The following ATP2A1 variants were observed in gnomAD, a reference collection of about 807,000 sequenced individuals.
ATP2A1 encodes the protein ATPase sarcoplasmic/endoplasmic reticulum Ca2+ transporting 1.
In ATP2A1, 83 loss-of-function variants were observed where a neutral mutation model predicts 109.5. The ratio of observed to expected loss-of-function variants is 0.76; its 90% CI spans 0.63 to 0.91. The LOEUF is 0.91. Among genes scored for constraint, ATP2A1 ranks in the 40% least tolerant of loss-of-function variants. The pLI is 0.00. For synonymous variants in ATP2A1, 505 were observed against 537.6 expected (o/e 0.94, Z 0.84); for missense variants, 1,101 against 1,341.0 (o/e 0.82, Z 2.80).
chr16:28,892,946 A>C (rs1417847227), intron 9 of ATP2A1, among the ~76,000 whole-genome samples: 1 of 152,004 alleles, frequency 6.6e-6, no homozygotes, highest in Non-Finnish European at 1.5e-5. Context: ...CTGGAGGCTG[A>C]GGCAGGAGAA....
At position 28,878,577 on chromosome 16, in the gene ATP2A1, G is replaced by T; in HGVS notation, c.-95G>T. ...AGGAGAGTAAAAAGAAGAAACCCAG[G>T]CAGACAGGCAGTTGGACACACTGAG... On this transcript the variant is annotated 5_prime_UTR_variant, in exon 1 of 23. Transcript: ENST00000395503. 1 of 1,045,772 alleles carries T rather than the reference G, an allele frequency of 9.6e-7. No homozygotes were observed. The allele number at this position is 1,045,772 out of a possible 1,614,324, so 64.8% of individuals were successfully genotyped here.
rs754711450 is a variant in ATP2A1 at position 28,894,604 on chromosome 16, C to T, written c.1284C>T (p.Asn428=). Residue 428 remains asparagine (N), a synonymous_variant, in exon 11 of 23, where the codon AAC becomes AAT. Transcript: ENST00000395503. ...GCAATGACTCCTCCTTGGACTTCAA[C>T]GAGGTAACCTCTCCTTCCCCTTCCA... is the stretch of plus-strand genomic sequence containing the variant. ...ALCNDSSLDF[N]EAKGVYEKVG... 5.0e-6 allele frequency: 8 copies of T among 1,613,800 alleles called. No homozygotes were observed. In the Admixed American group the frequency reaches 8.3e-5, roughly 17 times the overall value.
intron 9 of ATP2A1, 61 bp downstream of exon 9, chr16:28,889,014 C>T (rs1963696840): frequency 1.3e-6 from 2 of 1,598,242 alleles, no homozygotes; most frequent in Non-Finnish European, 1.7e-6. Flanking sequence ...TTAAATGGGC[C>T]CTCCAAAGAT....
At chr16:28,884,964 C>T (rs1031553851) in intron 6 of ATP2A1, among the ~76,000 whole-genome samples, 2 of 152,000 alleles carry the variant, frequency 1.3e-5, no homozygotes, top group Non-Finnish European at 2.9e-5. Context: ...AAAGGCTGTG[C>T]GAGGTGGCTC....
chr16:28,900,755 G>A lies in ATP2A1; in HGVS notation c.1939G>A (p.Glu647Lys). The A allele has an allele frequency of 6.2e-7, 1 of 1,614,242 alleles. No individual in the cohort carries two copies. Among genetic ancestry groups the A allele is most frequent in the Non-Finnish European group, 8.5e-7 (1 of 1,180,046 alleles). ...AATTGGCATCTTTGGGGAGAACGAG[G>A]AGGTGGCCGATCGCGCCTACACGGG... ...RRIGIFGENE[E>K]VADRAYTGRE... The change falls in exon 15 of 23, where the codon GAG becomes AAG. Residue 647 changes from glutamate to lysine, a missense_variant. Physicochemically the swap from Glu to Lys is moderately conservative, Grantham distance 56 (BLOSUM62 1). Transcript: ENST00000395503.
chr16:28,902,977 C>T lies in ATP2A1; in HGVS notation c.2745-53C>T, dbSNP rs370933107. The stretch of plus-strand genomic sequence containing the variant: ...CCACTGCCCACATCCTCCACTGTGC[C>T]GCCCACCTCCTTCCTCCTCACTGTG... On this transcript the variant is annotated intron_variant, in intron 19 of 22. Coordinates refer to ENST00000395503, the MANE Select transcript of ATP2A1 (RefSeq NM_004320.6). This position sits in a 1 kb window ranked among gnomAD's most constrained non-coding sequence, Gnocchi z 4.8. 63 of 1,613,518 alleles carry T rather than the reference C, an allele frequency of 3.9e-5. No homozygotes were observed. Among genetic ancestry groups the T allele is most frequent in the African/African-American group, 1.6e-4 (12 of 74,996 alleles).
Position 28,880,615 on chromosome 16 carries a change from G to C in ATP2A1, c.220-300G>C, listed in dbSNP as rs563799639. On this transcript the variant is annotated intron_variant, in intron 3 of 22. Coordinates refer to ENST00000395503, the MANE Select transcript of ATP2A1 (RefSeq NM_004320.6). This position sits in a 1 kb window ranked among gnomAD's most constrained non-coding sequence, Gnocchi z 4.2. ...ATGGATGTGGCTGTGCGGGGGGTTG[G>C]CCTGAGCTTCGCTTCTAAGCCAGCA... 2.0e-5 allele frequency among the ~76,000 whole-genome samples: 3 copies of C among 152,354 alleles called. No individual in the cohort carries two copies. Among genetic ancestry groups the C allele is most frequent in the Admixed American group, 1.3e-4 (2 of 15,308 alleles).
intron 6 of ATP2A1, among the ~76,000 whole-genome samples, chr16:28,885,654 G>A (rs1320580262): frequency 6.6e-6 from 1 of 151,922 alleles, no homozygotes; most frequent in African/African-American, 2.4e-5. Flanking sequence ...CCTGCTTGAC[G>A]TTTCCATTCT....
In ATP2A1 at chr16:28,878,604, A is replaced by C; in HGVS notation, c.-68A>C. ...AGACAGGCAGTTGGACACACTGAGG[A>C]AGACCCCCCACGAGTGGGAACCCCC... On this transcript the variant is annotated 5_prime_UTR_variant, in exon 1 of 23. Coordinates refer to ENST00000395503, the MANE Select transcript of ATP2A1 (RefSeq NM_004320.6). 1 of 1,321,860 alleles carries C rather than the reference A, an allele frequency of 7.6e-7. No individual in the cohort carries two copies. The highest frequency in any genetic ancestry group is 1.1e-6 in the Non-Finnish European group (1 of 937,106). The allele number at this position is 1,321,860 out of a possible 1,614,324, so 81.9% of individuals were successfully genotyped here. A position where few individuals can be genotyped will look rare whatever the true frequency, so the allele number is the denominator to read the frequency against.
chr16:28,891,588 TC>T (rs1963775280), intron 9 of ATP2A1, among the ~76,000 whole-genome samples: 1 of 11,696 alleles, frequency 8.5e-5, no homozygotes. Context: ...AGACTCCGTC[TC>T]AAAAAAAAAA....
chr16:28,900,864 A>G lies in ATP2A1; in HGVS notation c.2048A>G (p.His683Arg). 1 of 1,614,208 alleles carries G rather than the reference A, an allele frequency of 6.2e-7. No homozygotes were observed. The highest frequency in any genetic ancestry group is 8.5e-7 in the Non-Finnish European group (1 of 1,180,040). ...ACCFARVEPS[H>R]KSKIVEYLQS... ...TGCTTCGCCCGTGTGGAGCCCTCGCACAAGTCCAAGATTGTGGAGTACCTG... is the reference window on the plus strand; with the variant it reads ...TGCTTCGCCCGTGTGGAGCCCTCGCGCAAGTCCAAGATTGTGGAGTACCTG... Residue 683 changes from histidine to arginine, a missense_variant, in exon 15 of 23, where the codon CAC becomes CGC. By Grantham distance (29) the His-to-Arg change is conservative. Coordinates refer to ENST00000395503, the MANE Select transcript of ATP2A1 (RefSeq NM_004320.6).
chr16:28,896,208 TTTTG>T (rs367688800), intron 12 of ATP2A1, among the ~76,000 whole-genome samples: 2,738 of 152,112 alleles, frequency 0.018, 59 homozygotes, highest in African/African-American at 0.053. Context: ...CTTTCATTCT[TTTTG>T]TTTGTTTGTT....
intron 3 of ATP2A1, 70 bp downstream of exon 3, chr16:28,879,653 C>A: frequency 6.7e-7 from 1 of 1,501,874 alleles, no homozygotes; most frequent in Non-Finnish European, 9.1e-7. Flanking sequence ...GCGGGGCTCG[C>A]AGTCACTGGA....
chr16:28,887,788 TTTTC>T, intron 8 of ATP2A1, 66 bp downstream of exon 8: 1 of 1,569,026 alleles, frequency 6.4e-7, no homozygotes, highest in East Asian at 2.2e-5. Flanking sequence ...TTTTCTTTTC[TTTTC>T]TTTTCTTTTT....
intron 6 of ATP2A1, 66 bp downstream of exon 6, chr16:28,884,721 A>G: frequency 1.4e-6 from 2 of 1,438,098 alleles, no homozygotes; most frequent in Non-Finnish European, 1.9e-6. Context: ...AACAAGGGGG[A>G]GGTGAGTGGA....
chr16:28,900,872 A>G lies in ATP2A1; in HGVS notation c.2056A>G (p.Lys686Glu). The G allele has an allele frequency of 1.9e-6, 3 of 1,614,172 alleles. No homozygotes were observed. Among genetic ancestry groups the G allele is most frequent in the Non-Finnish European group, 2.5e-6 (3 of 1,180,028 alleles). The change falls in exon 15 of 23, where the codon AAG (lysine) becomes GAG (glutamate). Residue 686 changes from lysine (K) to glutamate (E), a missense_variant. Physicochemically the swap from Lys to Glu is moderately conservative, Grantham distance 56. Coordinates refer to ENST00000395503, the MANE Select transcript of ATP2A1 (RefSeq NM_004320.6). ...CCGTGTGGAGCCCTCGCACAAGTCCAAGATTGTGGAGTACCTGCAGTCCTA... is the reference window on the plus strand; with the variant it reads ...CCGTGTGGAGCCCTCGCACAAGTCCGAGATTGTGGAGTACCTGCAGTCCTA... ...FARVEPSHKS[K>E]IVEYLQSYDE... is the part of the protein sequence containing the mutation.
At chr16:28,890,318 T>TAAA (rs1567484446) in intron 9 of ATP2A1, among the ~76,000 whole-genome samples, 1 of 131,966 alleles carries the variant, frequency 7.6e-6, no homozygotes, top group Non-Finnish European at 1.6e-5. Context: ...AAAAAAAAAT[T>TAAA]AGCCTGATGT....
chr16:28,885,504 C>T (rs558457153), intron 6 of ATP2A1, among the ~76,000 whole-genome samples: 60 of 152,004 alleles, frequency 3.9e-4, no homozygotes, highest in Admixed American at 1.6e-3. Flanking sequence ...CCATCACACC[C>T]GGCTAATTTT....
intron 15 of ATP2A1, 127 bp downstream of exon 15, chr16:28,901,043 A>G (rs1830500798): frequency 7.9e-7 from 1 of 1,273,870 alleles, no homozygotes; most frequent in Admixed American, 1.9e-5. Flanking sequence ...TTCAGACCCC[A>G]AGGAAGAGTC....
Sources: gnomAD v4.1 joint callset for allele counts (sites outside exome capture counted in the v4.1 genomes callset) on GRCh38, gnomAD v4.1.1 for gene constraint, Gnocchi (gnomAD v3.1) non-coding constraint, MANE v1.5 for transcripts, NCBI Gene and HGNC (gene_info 2026-07-23, HGNC 2026-07-21) for gene names.